The following CNIH3 variants were observed in gnomAD, a reference collection of about 807,000 sequenced individuals.
CNIH3 encodes the protein cornichon family AMPA receptor auxiliary protein 3, also known as protein cornichon homolog 3.
Under a neutral mutation model 24.1 loss-of-function variants are expected in CNIH3, and 14 were observed. That is an observed-to-expected ratio of 0.58 (90% CI 0.38 to 0.91). CNIH3 has a LOEUF of 0.91. Ranked by LOEUF, CNIH3 falls within the 40% of genes least tolerant of loss-of-function variation. The pLI is 0.00. For synonymous variants in CNIH3, 68 were observed against 73.8 expected (o/e 0.92, Z 0.40); for missense variants, 178 against 196.8 (o/e 0.90, Z 0.57).
At chr1:224,629,990 A>G (rs1010237763) in intron 1 of CNIH3, among the ~76,000 whole-genome samples, 1 of 152,182 alleles carries the variant, frequency 6.6e-6, no homozygotes, top group African/African-American at 2.4e-5. Context: ...TGGTCCTTAA[A>G]CCGATATTTT....
At chr1:224,715,569 A>T (rs1489209745) in intron 3 of CNIH3, among the ~76,000 whole-genome samples, 1 of 152,150 alleles carries the variant, frequency 6.6e-6, no homozygotes, top group Admixed American at 6.5e-5. Flanking sequence ...ATAAAGAAAA[A>T]AGGTTTATTT....
In CNIH3 at chr1:224,459,027, A is replaced by G. The variant is rs1675797110; in HGVS notation, n.203+24165A>G. Reference sequence around the variant, plus strand: ...CCAGTGATCAGCTCTCTTAGGGCACACCCTCCAAGGTGCCTAAATGCCATC... The same window carrying G: ...CCAGTGATCAGCTCTCTTAGGGCACGCCCTCCAAGGTGCCTAAATGCCATC... On this transcript the variant is annotated intron_variant and non_coding_transcript_variant, in intron 1 of 5. Coordinates refer to the CNIH3 transcript ENST00000471578. Among the ~76,000 whole-genome samples, 11 of 152,286 alleles carry G rather than the reference A, an allele frequency of 7.2e-5. No homozygotes were observed. The South Asian group carries it at 2.3e-3, about 32-fold the overall frequency.
chr1:224,709,324 G>T (rs1688001353), intron 3 of CNIH3, among the ~76,000 whole-genome samples: 1 of 152,106 alleles, frequency 6.6e-6, no homozygotes, highest in Non-Finnish European at 1.5e-5. Context: ...ATCTTTACCT[G>T]GTTTTACTCA....
intron 1 of CNIH3, among the ~76,000 whole-genome samples, chr1:224,645,455 C>T (rs998503462): frequency 6.6e-6 from 1 of 152,274 alleles, no homozygotes; most frequent in Admixed American, 6.5e-5. Flanking sequence ...TGTTACAGAG[C>T]GTGCTGTGGA....
chr1:224,601,336 C>A (rs1258956139), intron 3 of CNIH3, among the ~76,000 whole-genome samples: 1 of 152,102 alleles, frequency 6.6e-6, no homozygotes, highest in African/African-American at 2.4e-5. Flanking sequence ...AGGTGTTTTT[C>A]CCTTACCACT....
At chr1:224,682,534 T>C (rs1462004030) in intron 2 of CNIH3, among the ~76,000 whole-genome samples, 1 of 152,252 alleles carries the variant, frequency 6.6e-6, no homozygotes, top group Non-Finnish European at 1.5e-5. Flanking sequence ...CAAGATCCAC[T>C]TGAAAACTTG....
At chr1:224,504,253 C>G (rs1451683584) in intron 1 of CNIH3, among the ~76,000 whole-genome samples, 1 of 152,188 alleles carries the variant, frequency 6.6e-6, no homozygotes, top group Non-Finnish European at 1.5e-5. Flanking sequence ...CCTGTTAAGG[C>G]TGGAATGAGC....
At chr1:224,515,656 A>C (rs1678350555), upstream of CNIH3, 2 of 152,152 alleles carry the variant, frequency 1.3e-5, no homozygotes, top group South Asian at 4.1e-4. Flanking sequence ...TTTTTGAAAA[A>C]AGCTTAAGCC....
intron 1 of CNIH3, among the ~76,000 whole-genome samples, chr1:224,639,696 ACT>A (rs979062199): frequency 2.0e-5 from 3 of 152,190 alleles, no homozygotes; most frequent in Admixed American, 6.5e-5. Flanking sequence ...TGAGGACTGA[ACT>A]CTGTCTGTCA....
chr1:224,615,223 G>GCT (rs1682899035), upstream of CNIH3: 1 of 152,072 alleles, frequency 6.6e-6, no homozygotes, highest in African/African-American at 2.4e-5. Context: ...GGTACCAGGT[G>GCT]CTCTAAGATT....
Position 224,739,438 on chromosome 1 carries a change from A to T in CNIH3, c.*82A>T. 1 of 1,577,326 alleles carries T rather than the reference A, an allele frequency of 6.3e-7. No homozygotes were observed. On this transcript the variant is annotated 3_prime_UTR_variant, in exon 6 of 6. Coordinates refer to ENST00000272133, the MANE Select transcript of CNIH3 (RefSeq NM_152495.2). ...GTGCATTTCTGCTGGTGACTGGAGG[A>T]GGGACCAGAATGAGGATACGTGAGA...
chr1:224,516,802 C>T (rs556042862), intron 1 of CNIH3, among the ~76,000 whole-genome samples: 3 of 152,194 alleles, frequency 2.0e-5, no homozygotes, highest in Non-Finnish European at 4.4e-5. Flanking sequence ...CTGCCATCAT[C>T]GCATCATCCC....
At chr1:224,678,916 A>G (rs980585850) in intron 1 of CNIH3, among the ~76,000 whole-genome samples, 1 of 152,150 alleles carries the variant, frequency 6.6e-6, no homozygotes, top group Non-Finnish European at 1.5e-5. Context: ...TTTTCTATAA[A>G]AGGCAAAATA....
chr1:224,641,615 A>C (rs1684364708), intron 1 of CNIH3, among the ~76,000 whole-genome samples: 1 of 152,246 alleles, frequency 6.6e-6, no homozygotes, highest in Non-Finnish European at 1.5e-5. Flanking sequence ...CGACGTTGCT[A>C]AGAGCACAAA....
At chr1:224,621,608 C>T (rs1683284934) in intron 1 of CNIH3, among the ~76,000 whole-genome samples, 1 of 152,144 alleles carries the variant, frequency 6.6e-6, no homozygotes, top group Admixed American at 6.5e-5. Flanking sequence ...TTATCTCCTC[C>T]CTCCGTCACT....
chr1:224,511,579 A>G (rs1460473025), upstream of CNIH3, among the ~76,000 whole-genome samples: 3 of 152,134 alleles, frequency 2.0e-5, no homozygotes, highest in Non-Finnish European at 2.9e-5. Context: ...TTACTAGGCC[A>G]GGTGTGGTGG....
intron 3 of CNIH3, among the ~76,000 whole-genome samples, chr1:224,700,224 G>T (rs1455743262): frequency 2.6e-5 from 4 of 152,140 alleles, no homozygotes; most frequent in Non-Finnish European, 1.5e-5. Context: ...TCTTGAATCT[G>T]GTACCCTCCC....
chr1:224,644,299 C>T (rs1438323474), intron 1 of CNIH3, among the ~76,000 whole-genome samples: 1 of 152,174 alleles, frequency 6.6e-6, no homozygotes, highest in Non-Finnish European at 1.5e-5. Context: ...CAGCCTTGAC[C>T]TCCTGGGCTT....
intron 1 of CNIH3, among the ~76,000 whole-genome samples, chr1:224,667,023 C>T (rs781029349): frequency 1.3e-5 from 2 of 152,194 alleles, no homozygotes; most frequent in African/African-American, 4.8e-5. Flanking sequence ...AGTTCTTAGT[C>T]CACTTCTGTC....
Sources: gnomAD v4.1 joint callset for allele counts (sites outside exome capture counted in the v4.1 genomes callset) on GRCh38, gnomAD v4.1.1 for gene constraint, MANE v1.5 for transcripts, NCBI Gene and HGNC (gene_info 2026-07-23, HGNC 2026-07-21) for gene names.